CTTNBP2NL: variants seen among roughly 807,000 people sequenced by gnomAD.
CTTNBP2NL encodes the protein CTTNBP2 N-terminal-like protein.
A neutral mutation model predicts 32.5 loss-of-function variants in CTTNBP2NL; 16 were observed. That is an observed-to-expected ratio of 0.49 (90% CI 0.33 to 0.75). The LOEUF (loss-of-function observed/expected upper bound fraction) is 0.75, where lower values mean the gene tolerates loss of function less well. Ranked by LOEUF, CTTNBP2NL falls within the 30% of genes least tolerant of loss-of-function variation. The pLI is 0.02. For missense variants in CTTNBP2NL, 645 were observed against 756.0 expected, an observed-to-expected ratio of 0.85 and a Z score of 1.72; for synonymous variants, 298 against 289.4, an observed-to-expected ratio of 1.03 and a Z score of -0.30.
intron 3 of CTTNBP2NL, among the ~76,000 whole-genome samples, chr1:112,437,836 A>G (rs754549558): frequency 8.6e-5 from 13 of 152,036 alleles, no homozygotes; most frequent in African/African-American, 1.2e-4. Flanking sequence ...TTCCTTCCTT[A>G]TAGATGCTGG....
intron 1 of CTTNBP2NL, among the ~76,000 whole-genome samples, chr1:112,403,794 GTC>G (rs1436052868): frequency 1.3e-5 from 2 of 152,206 alleles, no homozygotes; most frequent in Non-Finnish European, 2.9e-5. Context: ...GCTTGAACAT[GTC>G]TCTAAACTGA....
upstream of CTTNBP2NL, among the ~76,000 whole-genome samples, chr1:112,396,025 G>A (rs1219860863): frequency 1.3e-5 from 2 of 152,252 alleles, no homozygotes; most frequent in African/African-American, 4.8e-5. Flanking sequence ...CGGAAGTGAC[G>A]CGAGCTCAAT....
intron 3 of CTTNBP2NL, among the ~76,000 whole-genome samples, chr1:112,425,381 G>A (rs1225602184): frequency 3.3e-5 from 5 of 152,094 alleles, no homozygotes; most frequent in Non-Finnish European, 5.9e-5. Flanking sequence ...TGAGATAGGA[G>A]AATCACTTGA....
Position 112,455,912 on chromosome 1 carries a change from C to CTTTTCT in CTTNBP2NL, c.439-14_439-9dup. On this transcript the variant is annotated intron_variant, in intron 5 of 5. Transcript: ENST00000271277. ...GATCACAGTTTGTCAGTATGTCTCT[C>CTTTTCT]TTTTCTTTTTTTTTCTAGTTGGAAT... is the stretch of plus-strand genomic sequence containing the variant. 6.4e-7 allele frequency: 1 copy of CTTTTCT among 1,564,366 alleles called. No individual in the cohort carries two copies. Among genetic ancestry groups the CTTTTCT allele is most frequent in the South Asian group, 1.2e-5 (1 of 82,808 alleles).
intron 3 of CTTNBP2NL, among the ~76,000 whole-genome samples, chr1:112,430,128 G>GA (rs1261888208): frequency 6.6e-6 from 1 of 152,132 alleles, no homozygotes; most frequent in East Asian, 1.9e-4. Context: ...GCTCCATTCA[G>GA]AAAAACATCA....
At chr1:112,410,142 C>T (rs1487295920) in intron 1 of CTTNBP2NL, among the ~76,000 whole-genome samples, 1 of 152,178 alleles carries the variant, frequency 6.6e-6, no homozygotes, top group Non-Finnish European at 1.5e-5. Context: ...CCTGTAATCC[C>T]AGCACTTTGG....
chr1:112,423,721 A>AT lies in CTTNBP2NL; in HGVS notation c.99+7465dup, dbSNP rs1164005630. 4.0e-5 allele frequency among the ~76,000 whole-genome samples: 6 copies of AT among 151,892 alleles called. No individual in the cohort carries two copies. The East Asian group carries it at 9.7e-4, about 24-fold the overall frequency. ...CATTTCCATGAAGTCCAATTTATCAATTTTTTTTGTTTTGTTTTTTGAGAC... is the reference window on the plus strand; with the variant it reads ...CATTTCCATGAAGTCCAATTTATCAATTTTTTTTTGTTTTGTTTTTTGAGAC... On this transcript the variant is annotated intron_variant, in intron 3 of 5. Coordinates refer to ENST00000271277, the MANE Select transcript of CTTNBP2NL (RefSeq NM_018704.3).
upstream of CTTNBP2NL, among the ~76,000 whole-genome samples, chr1:112,392,201 CTG>C: frequency 6.6e-6 from 1 of 152,258 alleles, no homozygotes; most frequent in Non-Finnish European, 1.5e-5. Flanking sequence ...AGTAAATATT[CTG>C]TGTTCATCAC....
chr1:112,453,296 T>C (rs1570746779), intron 4 of CTTNBP2NL, among the ~76,000 whole-genome samples: 1 of 152,156 alleles, frequency 6.6e-6, no homozygotes, highest in South Asian at 2.1e-4. Context: ...CTCTCTTCAC[T>C]CATAAAAATT....
At chr1:112,418,569 GA>G (rs564649881) in intron 3 of CTTNBP2NL, among the ~76,000 whole-genome samples, 6,589 of 145,424 alleles carry the variant, frequency 0.045, 163 homozygotes, top group Non-Finnish European at 0.065. Flanking sequence ...AATCATGTCA[GA>G]AAAAAAAAAA....
intron 3 of CTTNBP2NL, among the ~76,000 whole-genome samples, chr1:112,448,298 C>T (rs1397282783): frequency 6.6e-6 from 1 of 152,194 alleles, no homozygotes; most frequent in African/African-American, 2.4e-5. Context: ...TCCTCCTTGA[C>T]CCATCAACAA....
chr1:112,421,161 G>C (rs1649215612), intron 3 of CTTNBP2NL, among the ~76,000 whole-genome samples: 1 of 151,984 alleles, frequency 6.6e-6, no homozygotes, highest in African/African-American at 2.4e-5. Flanking sequence ...AATAAGGCCA[G>C]GCACTGTGGC....
rs59562601 is a variant in CTTNBP2NL, at chr1:112,402,343, A to C, written c.-134+6071A>C. 3.9e-3 allele frequency among the ~76,000 whole-genome samples: 587 copies of C among 152,304 alleles called. 5 individuals carry two copies. The highest frequency in any genetic ancestry group is 0.013 in the African/African-American group (552 of 41,580). On this transcript the variant is annotated intron_variant, in intron 1 of 5. Transcript: ENST00000271277. ...CAAGACAGGAGAATCGTTTGAACCC[A>C]GAAGGCGGAGATTGTGGTGAGCCAA...
chr1:112,449,961 T>G (rs1650169765), intron 4 of CTTNBP2NL, among the ~76,000 whole-genome samples: 1 of 152,222 alleles, frequency 6.6e-6, no homozygotes, highest in East Asian at 1.9e-4. Context: ...CTTGTCATCT[T>G]GTCATTTACT....
chr1:112,436,790 T>C (rs907825436), intron 3 of CTTNBP2NL, among the ~76,000 whole-genome samples: 4 of 152,270 alleles, frequency 2.6e-5, no homozygotes, highest in East Asian at 1.9e-4. Flanking sequence ...TTTTTTCTGG[T>C]CTTCTCCCTC....
At chr1:112,449,753 T>TGTGTGTGTGTGTGTGTGTGTG (rs58369949) in intron 4 of CTTNBP2NL, among the ~76,000 whole-genome samples, 303 of 25,422 alleles carry the variant, frequency 0.012, 4 homozygotes, top group African/African-American at 0.014. Context: ...TGTGTGTGTG[T>TGTGTGTGTGTGTGTGTGTGTG]TTTCCATATT....
At chr1:112,425,000 T>C (rs1330689370) in intron 3 of CTTNBP2NL, among the ~76,000 whole-genome samples, 1 of 151,302 alleles carries the variant, frequency 6.6e-6, no homozygotes, top group African/African-American at 2.4e-5. Flanking sequence ...TTTTTTTTTT[T>C]TGGTAGAGAG....
chr1:112,397,847 T>C (rs1224881033), intron 1 of CTTNBP2NL, among the ~76,000 whole-genome samples: 1 of 152,226 alleles, frequency 6.6e-6, no homozygotes, highest in Non-Finnish European at 1.5e-5. Context: ...TTGTAATGAC[T>C]GTTGTCTTTT....
At chr1:112,421,013 C>T (rs779322823) in intron 3 of CTTNBP2NL, among the ~76,000 whole-genome samples, 2 of 152,120 alleles carry the variant, frequency 1.3e-5, no homozygotes, top group African/African-American at 4.8e-5. Flanking sequence ...ATGGTTATTA[C>T]GAGGACCAAA....
Sources: allele counts gnomAD v4.1 joint callset (sites outside exome capture counted in the v4.1 genomes callset), GRCh38; gene constraint gnomAD v4.1.1; transcripts MANE v1.5; gene names NCBI Gene and HGNC (gene_info 2026-07-23, HGNC 2026-07-21).